Variants in MBD5 observed in about 807,000 individuals in gnomAD.
MBD5 encodes methyl-CpG-binding domain protein 5.
In MBD5, 13 loss-of-function variants were observed where a neutral mutation model predicts 117.3. The observed-to-expected ratio is 0.11, with a 90% confidence interval of 0.07 to 0.18. The LOEUF (loss-of-function observed/expected upper bound fraction) is 0.18. MBD5 is among the 10% of genes least tolerant of loss of function. The pLI is 1.00. For synonymous variants in MBD5, 727 were observed against 766.4 expected, an observed-to-expected ratio of 0.95 and a Z score of 0.85; for missense variants, 1,879 against 2,093.8, an observed-to-expected ratio of 0.90 and a Z score of 2.00.
At chr2:148,111,187 G>C (rs964379072) in intron 1 of MBD5, among the ~76,000 whole-genome samples, 4 of 152,150 alleles carry the variant, frequency 2.6e-5, no homozygotes, top group African/African-American at 7.2e-5. Flanking sequence ...CTTTAAAATA[G>C]AGAAATCTGG....
intron 11 of MBD5, among the ~76,000 whole-genome samples, chr2:148,496,231 T>C (rs1681698763): frequency 6.6e-6 from 1 of 152,130 alleles, no homozygotes; most frequent in Non-Finnish European, 1.5e-5. Flanking sequence ...AGCACCAGAA[T>C]CTCCTTGAAA....
At chr2:148,231,148 T>C (rs556092074) in intron 2 of MBD5, among the ~76,000 whole-genome samples, 1 of 151,310 alleles carries the variant, frequency 6.6e-6, no homozygotes, top group South Asian at 2.1e-4. Flanking sequence ...CCTTATGGCC[T>C]AGCCTGCCTT....
Position 148,516,088 on chromosome 2 carries a change from C to T in MBD5, c.*3147C>T, listed in dbSNP as rs775016970. On this transcript the variant is annotated 3_prime_UTR_variant, in exon 14 of 14. Transcript: ENST00000642680. Reference sequence around the variant, plus strand: ...AGTAAACACAGCCTTCTTATTTGAACGTAACACTGCAGAATTGCAGGAAGA... The same window carrying T: ...AGTAAACACAGCCTTCTTATTTGAATGTAACACTGCAGAATTGCAGGAAGA... 4 of 152,102 alleles carry T rather than the reference C, an allele frequency of 2.6e-5. No individual in the cohort carries two copies. Among genetic ancestry groups the T allele is most frequent in the African/African-American group, 4.8e-5 (2 of 41,422 alleles). 9.4% of individuals were successfully genotyped at this position (152,102 alleles called of 1,614,324 possible). A position where few individuals can be genotyped will look rare whatever the true frequency, so the allele number is the denominator to read the frequency against.
intron 3 of MBD5, among the ~76,000 whole-genome samples, chr2:148,269,420 G>A (rs74574641): frequency 0.13 from 19,246 of 151,660 alleles, 1,467 homozygotes; most frequent in Non-Finnish European, 0.18. Context: ...AGGATACATA[G>A]GAGATAAACT....
intron 8 of MBD5, among the ~76,000 whole-genome samples, chr2:148,479,233 G>A (rs913597034): frequency 1.3e-5 from 2 of 152,098 alleles, no homozygotes; most frequent in Non-Finnish European, 2.9e-5. Context: ...GAAATATCTG[G>A]AAGCCTTCTT....
intron 4 of MBD5, among the ~76,000 whole-genome samples, chr2:148,424,990 G>A (rs1286340806): frequency 1.3e-5 from 2 of 152,066 alleles, no homozygotes; most frequent in African/African-American, 4.8e-5. Context: ...AGAAGCAAGA[G>A]CAAACAATTT....
chr2:148,093,368 G>C (rs1695989304), intron 1 of MBD5, among the ~76,000 whole-genome samples: 2 of 152,098 alleles, frequency 1.3e-5, no homozygotes, highest in African/African-American at 4.8e-5. Context: ...CTGTTATTTT[G>C]AATGTTATTT....
In MBD5 at chr2:148,489,478, T is replaced by C; in HGVS notation, c.3846T>C (p.Leu1282=). ...TTCCTGAGAATCCAAACACTACACT[T>C]CCACCTTTTCAAGATACACCTTGTG... is the stretch of plus-strand genomic sequence containing the variant. ...TALPENPNTT[L]PPFQDTPCEL... is the part of the protein sequence containing the mutation. The change falls in exon 11 of 14, where the codon CTT becomes CTC. Residue 1282 remains leucine (L), a synonymous_variant. Transcript: ENST00000642680. 6.2e-7 allele frequency: 1 copy of C among 1,614,126 alleles called. No individual in the cohort carries two copies. The highest frequency in any genetic ancestry group is 8.5e-7 in the Non-Finnish European group (1 of 1,180,022).
intron 1 of MBD5, among the ~76,000 whole-genome samples, chr2:148,159,024 A>G (rs1697941386): frequency 6.6e-6 from 1 of 152,038 alleles, no homozygotes; most frequent in Non-Finnish European, 1.5e-5. Flanking sequence ...GCCCGGCCCC[A>G]TTATTTCCTG....
At chr2:148,229,256 A>C (rs944002541) in intron 2 of MBD5, among the ~76,000 whole-genome samples, 3 of 151,644 alleles carry the variant, frequency 2.0e-5, no homozygotes, top group Non-Finnish European at 2.9e-5. Flanking sequence ...ATTCAGCTTG[A>C]TCACACCTGC....
chr2:148,021,402 T>G lies in MBD5; in HGVS notation c.-1207T>G. On this transcript the variant is annotated 5_prime_UTR_variant, in exon 1 of 14. Transcript: ENST00000642680. ...CCTCCACCCTCCTCCTCTTTGGCCG[T>G]GAGAGGAGGAGAGAAAGAAACCAAA... The G allele has an allele frequency of 2.1e-6, 1 of 480,392 alleles. No homozygotes were observed. The highest frequency in any genetic ancestry group is 4.1e-6 in the Non-Finnish European group (1 of 241,612). The allele number at this position is 480,392 out of a possible 1,614,324, so 29.8% of individuals were successfully genotyped here. A position where few individuals can be genotyped will look rare whatever the true frequency, so the allele number is the denominator to read the frequency against.
At chr2:148,212,338 G>A (rs1389891096) in intron 2 of MBD5, among the ~76,000 whole-genome samples, 1 of 152,092 alleles carries the variant, frequency 6.6e-6, no homozygotes, top group Non-Finnish European at 1.5e-5. Context: ...TACAATACAT[G>A]GCCTTTTGTT....
At chr2:148,102,721 C>G (rs1696255739) in intron 1 of MBD5, among the ~76,000 whole-genome samples, 3 of 90,878 alleles carry the variant, frequency 3.3e-5, no homozygotes, top group African/African-American at 1.2e-4. Context: ...CACACACACA[C>G]ACACACACAG....
At chr2:148,382,943 C>T (rs1441658294) in intron 4 of MBD5, among the ~76,000 whole-genome samples, 1 of 151,174 alleles carries the variant, frequency 6.6e-6, no homozygotes, top group Non-Finnish European at 1.5e-5. Context: ...ATCTCTGGGA[C>T]ACATTCAAAG....
chr2:148,303,733 G>A (rs1354276640), intron 3 of MBD5, among the ~76,000 whole-genome samples: 1 of 152,160 alleles, frequency 6.6e-6, no homozygotes, highest in East Asian at 1.9e-4. Flanking sequence ...AAACCTACCA[G>A]TAGATTGTAA....
chr2:148,141,786 C>T (rs1165726820), intron 1 of MBD5, among the ~76,000 whole-genome samples: 1 of 89,162 alleles, frequency 1.1e-5, no homozygotes, highest in African/African-American at 3.2e-5. Flanking sequence ...AGCAAGACCC[C>T]GTCTCAAAAA....
At chr2:148,468,111 C>T (rs937415049) in intron 7 of MBD5, among the ~76,000 whole-genome samples, 1 of 152,026 alleles carries the variant, frequency 6.6e-6, no homozygotes, top group African/African-American at 2.4e-5. Flanking sequence ...TTACTGAGAA[C>T]CTTTGGTCAA....
At chr2:148,471,316 A>C (rs566944213) in intron 8 of MBD5, 1 of 152,306 alleles carries the variant, frequency 6.6e-6, no homozygotes, top group East Asian at 1.9e-4. Context: ...TTGTTATAAA[A>C]ACTGTACAGA....
intron 3 of MBD5, among the ~76,000 whole-genome samples, chr2:148,265,737 G>A (rs909972490): frequency 6.6e-6 from 1 of 151,988 alleles, no homozygotes; most frequent in Non-Finnish European, 1.5e-5. Context: ...ACAAGTTTTT[G>A]TGTTGCAAAT....
Sources: gnomAD v4.1 joint callset for allele counts (sites outside exome capture counted in the v4.1 genomes callset) on GRCh38, gnomAD v4.1.1 for gene constraint, MANE v1.5 for transcripts, NCBI Gene and HGNC (gene_info 2026-07-23, HGNC 2026-07-21) for gene names.